The following ELMO1 variants were observed in gnomAD, a reference collection of about 807,000 sequenced individuals.
The protein encoded by ELMO1 is engulfment and cell motility 1.
Under a neutral mutation model 98.9 loss-of-function variants are expected in ELMO1, and 26 were observed. The observed-to-expected ratio is 0.26, with a 90% confidence interval of 0.19 to 0.36. The LOEUF (loss-of-function observed/expected upper bound fraction) is 0.36, where lower values mean the gene tolerates loss of function less well. Among genes scored for constraint, ELMO1 ranks in the 10% least tolerant of loss-of-function variants. The pLI is 1.00. For missense variants in ELMO1, 627 were observed against 935.2 expected, an observed-to-expected ratio of 0.67 and a Z score of 4.30; for synonymous variants, 346 against 346.0, an observed-to-expected ratio of 1.00 and a Z score of 0.00.
intron 4 of ELMO1, among the ~76,000 whole-genome samples, chr7:37,312,899 C>T (rs1458525436): frequency 6.6e-6 from 1 of 152,188 alleles, no homozygotes; most frequent in Non-Finnish European, 1.5e-5. Flanking sequence ...ATACTCTGAC[C>T]TAATCTACTC....
intron 16 of ELMO1, among the ~76,000 whole-genome samples, chr7:36,975,632 A>G (rs1317619815): frequency 3.3e-5 from 5 of 152,056 alleles, no homozygotes; most frequent in Non-Finnish European, 7.4e-5. Flanking sequence ...GGATCACCTG[A>G]GGTTAGGAGT....
At chr7:37,219,670 C>T (rs1176119950) in intron 10 of ELMO1, among the ~76,000 whole-genome samples, 1 of 152,164 alleles carries the variant, frequency 6.6e-6, no homozygotes, top group East Asian at 1.9e-4. Context: ...GGATGGGATG[C>T]TTTGCAGGTA....
At position 37,128,437 on chromosome 7, in the gene ELMO1, A is replaced by T. The variant is rs144540522; in HGVS notation, c.1191+4693T>A. On this transcript the variant is annotated intron_variant, in intron 14 of 21. Transcript: ENST00000310758. ...AGTAAAAGCAATTATACCCAGAGTA[A>T]GTAAGACTCGGAAGTCTGAAATCAT... Among the ~76,000 whole-genome samples the T allele has an allele frequency of 4.6e-5, 7 of 152,298 alleles. No individual in the cohort carries two copies. The East Asian group carries it at 1.4e-3, about 29-fold the overall frequency.
At chr7:36,876,322 T>C (rs556919396) in intron 19 of ELMO1, among the ~76,000 whole-genome samples, 131 of 152,310 alleles carry the variant, frequency 8.6e-4, no homozygotes, top group African/African-American at 3.0e-3. Context: ...TTACTTTTTT[T>C]TTTCTTGTAA....
intron 16 of ELMO1, among the ~76,000 whole-genome samples, chr7:36,982,092 A>G (rs1791107626): frequency 6.6e-6 from 1 of 152,098 alleles, no homozygotes. Flanking sequence ...TGTAAATTTT[A>G]TTTAATTTTA....
chr7:36,973,494 G>A (rs993581956), intron 16 of ELMO1, among the ~76,000 whole-genome samples: 1 of 152,170 alleles, frequency 6.6e-6, no homozygotes, highest in Non-Finnish European at 1.5e-5. Flanking sequence ...AAGGAAACAA[G>A]TTCCAGTCCA....
At chr7:37,344,033 A>ATTTTT (rs10626425) in intron 1 of ELMO1, among the ~76,000 whole-genome samples, 39,569 of 134,228 alleles carry the variant, frequency 0.29, 6,860 homozygotes, top group Non-Finnish European at 0.36. Context: ...AAAAGGCAGC[A>ATTTTT]TTTTTTTTTT....
chr7:37,440,021 T>C (rs1438047697), intron 1 of ELMO1, among the ~76,000 whole-genome samples: 1 of 152,106 alleles, frequency 6.6e-6, no homozygotes, highest in Non-Finnish European at 1.5e-5. Context: ...CACACACATA[T>C]ATGTACAAAG....
intron 11 of ELMO1, among the ~76,000 whole-genome samples, chr7:37,215,733 T>G (rs1313431942): frequency 6.6e-6 from 1 of 152,260 alleles, no homozygotes; most frequent in Non-Finnish European, 1.5e-5. Flanking sequence ...CAGGTCTCCT[T>G]GGGCTTCCCC....
chr7:37,447,941 C>G (rs530096650), intron 1 of ELMO1, among the ~76,000 whole-genome samples: 285 of 151,840 alleles, frequency 1.9e-3, no homozygotes, highest in African/African-American at 6.2e-3. Context: ...GCGCCCGGTG[C>G]GTCCCCTCTC....
chr7:37,377,838 C>T (rs1249703957), intron 1 of ELMO1, among the ~76,000 whole-genome samples: 1 of 152,148 alleles, frequency 6.6e-6, no homozygotes, highest in East Asian at 1.9e-4. Flanking sequence ...CATCAAAAAG[C>T]ACAACAGGGC....
In ELMO1 at chr7:37,034,664, C is replaced by T. The variant is rs138696399; in HGVS notation, c.1301-21229G>A. 1.2e-3 allele frequency among the ~76,000 whole-genome samples: 189 copies of T among 152,120 alleles called. 1 individual carries two copies. The Middle Eastern group carries it at 0.02, about 16-fold the overall frequency. On this transcript the variant is annotated intron_variant, in intron 15 of 21. Coordinates refer to ENST00000310758, the MANE Select transcript of ELMO1 (RefSeq NM_014800.11). ...TAAACCAGATAAAAGCCTTACTGGT[C>T]CTTATGACTCCCTGATCTAGAAGCT...
intron 16 of ELMO1, among the ~76,000 whole-genome samples, chr7:36,929,362 G>C (rs866143849): frequency 6.6e-6 from 1 of 152,156 alleles, no homozygotes; most frequent in African/African-American, 2.4e-5. Context: ...TCAAATCTGA[G>C]TTTTCTGATG....
chr7:37,148,192 A>C (rs1788124562), intron 13 of ELMO1, among the ~76,000 whole-genome samples: 1 of 152,234 alleles, frequency 6.6e-6, no homozygotes, highest in African/African-American at 2.4e-5. Flanking sequence ...CAGAAATGAT[A>C]CATTTCATCC....
At chr7:36,946,566 G>T (rs747019733) in intron 16 of ELMO1, among the ~76,000 whole-genome samples, 15 of 152,278 alleles carry the variant, frequency 9.9e-5, no homozygotes, top group African/African-American at 3.6e-4. Flanking sequence ...GTGTTGCTCC[G>T]TGCCTTCCAA....
At chr7:37,292,802 C>T (rs1193082585) in intron 4 of ELMO1, among the ~76,000 whole-genome samples, 154 of 107,432 alleles carry the variant, frequency 1.4e-3, no homozygotes, top group African/African-American at 4.8e-3. Context: ...GGGGGTCAGC[C>T]CCCCGCCCGG....
intron 1 of ELMO1, among the ~76,000 whole-genome samples, chr7:37,381,346 G>A (rs1283369134): frequency 6.6e-6 from 1 of 152,186 alleles, no homozygotes; most frequent in African/African-American, 2.4e-5. Flanking sequence ...TAATCTGGGT[G>A]ACCATAATTA....
At chr7:36,982,768 C>T (rs148906778) in intron 16 of ELMO1, among the ~76,000 whole-genome samples, 91 of 152,320 alleles carry the variant, frequency 6.0e-4, no homozygotes, top group Non-Finnish European at 9.0e-4. Context: ...AGCAGCCTAA[C>T]CCCTTCTTTC....
intron 15 of ELMO1, among the ~76,000 whole-genome samples, chr7:37,085,789 AT>A (rs1190122915): frequency 2.6e-5 from 4 of 152,200 alleles, no homozygotes; most frequent in Non-Finnish European, 5.9e-5. Flanking sequence ...AGACGTGATG[AT>A]GTCATCCTGC....
Sources: gnomAD v4.1 joint callset for allele counts (sites outside exome capture counted in the v4.1 genomes callset) on GRCh38, gnomAD v4.1.1 for gene constraint, MANE v1.5 for transcripts, NCBI Gene and HGNC (gene_info 2026-07-23, HGNC 2026-07-21) for gene names.